Variants in ZFHX3 observed in about 807,000 individuals in gnomAD.
ZFHX3 encodes zinc finger homeobox protein 3.
Under a neutral mutation model 279.1 loss-of-function variants are expected in ZFHX3, and 42 were observed. The ratio of observed to expected loss-of-function variants is 0.15; its 90% confidence interval spans 0.12 to 0.19. ZFHX3 has a LOEUF of 0.19. ZFHX3 is among the 10% of genes least tolerant of loss of function. ZFHX3 has a pLI of 1.00. For missense variants in ZFHX3, 4,981 were observed against 4,754.0 expected, an observed-to-expected ratio of 1.05 and a Z score of -1.40; for synonymous variants, 2,293 against 1,957.8, an observed-to-expected ratio of 1.17 and a Z score of -4.52.
At chr16:73,675,818 G>T (rs1164097340) in intron 2 of ZFHX3, among the ~76,000 whole-genome samples, 2 of 151,404 alleles carry the variant, frequency 1.3e-5, no homozygotes, top group South Asian at 2.1e-4. Flanking sequence ...ACACATACAC[G>T]CACGCACATA....
chr16:73,304,863 G>A (rs1567445191), intron 4 of ZFHX3, among the ~76,000 whole-genome samples: 2 of 152,104 alleles, frequency 1.3e-5, no homozygotes, highest in Non-Finnish European at 2.9e-5. Flanking sequence ...CTTTGAGGTA[G>A]CACTTCTATG....
intron 8 of ZFHX3, among the ~76,000 whole-genome samples, chr16:73,064,849 C>A (rs1307704682): frequency 6.6e-6 from 1 of 152,238 alleles, no homozygotes; most frequent in Non-Finnish European, 1.5e-5. Context: ...GCCGGTGGCT[C>A]TCCCGGGTTC....
chr16:73,466,537 T>A (rs924110110), intron 2 of ZFHX3, among the ~76,000 whole-genome samples: 9 of 152,170 alleles, frequency 5.9e-5, no homozygotes, highest in African/African-American at 2.2e-4. Context: ...TTTTATTACC[T>A]AGGCAAGCTT....
At chr16:73,147,589 G>C (rs946599708) in intron 5 of ZFHX3, among the ~76,000 whole-genome samples, 5 of 150,114 alleles carry the variant, frequency 3.3e-5, no homozygotes, top group African/African-American at 7.3e-5. Context: ...CTACTCGGGA[G>C]GCTGAGGCAG....
At chr16:72,868,572 T>C (rs1025561056) in intron 4 of ZFHX3, among the ~76,000 whole-genome samples, 1 of 152,236 alleles carries the variant, frequency 6.6e-6, no homozygotes, top group Non-Finnish European at 1.5e-5. Context: ...CCGCACTCCC[T>C]AGAGGGGAAA....
In ZFHX3 at chr16:72,785,421, C is replaced by T. The variant is rs1432579884; in HGVS notation, c.*1743G>A. On this transcript the variant is annotated 3_prime_UTR_variant, in exon 10 of 10. Coordinates refer to ENST00000268489, the MANE Select transcript of ZFHX3 (RefSeq NM_006885.4). ...CAAAACTTTGAAGTAAAAAATGTGT[C>T]TTTTGGTATATGGAATTGTCATTAA... 6.6e-6 allele frequency: 1 copy of T among 152,618 alleles called. No individual in the cohort carries two copies. The highest frequency in any genetic ancestry group is 2.4e-5 in the African/African-American group (1 of 41,446). 9.5% of individuals were successfully genotyped at this position (152,618 alleles called of 1,614,324 possible).
At chr16:73,780,447 CTTTTTTT>C (rs879667609) in intron 1 of ZFHX3, among the ~76,000 whole-genome samples, 1 of 142,270 alleles carries the variant, frequency 7.0e-6, no homozygotes, top group Non-Finnish European at 1.5e-5. Context: ...CGTGCCTGAA[CTTTTTTT>C]TTTTTTAAGA....
intron 2 of ZFHX3, among the ~76,000 whole-genome samples, chr16:73,558,025 C>G (rs890860558): frequency 6.6e-6 from 1 of 152,110 alleles, no homozygotes; most frequent in Non-Finnish European, 1.5e-5. Context: ...ACAGGGGTCC[C>G]GAATGGGCCT....
intron 2 of ZFHX3, among the ~76,000 whole-genome samples, chr16:73,649,445 CAG>C (rs1567542309): frequency 6.6e-6 from 1 of 152,142 alleles, no homozygotes; most frequent in African/African-American, 2.4e-5. Context: ...AATGTAAATA[CAG>C]AGTGTGTATA....
At chr16:73,393,656 T>C (rs2017065508) in intron 3 of ZFHX3, among the ~76,000 whole-genome samples, 1 of 152,126 alleles carries the variant, frequency 6.6e-6, no homozygotes, top group Non-Finnish European at 1.5e-5. Flanking sequence ...CTGATCACAT[T>C]GAATAAACTA....
intron 1 of ZFHX3, among the ~76,000 whole-genome samples, chr16:73,014,789 G>A (rs1297122772): frequency 6.6e-6 from 1 of 151,936 alleles, no homozygotes; most frequent in African/African-American, 2.4e-5. Context: ...TGGGATTACA[G>A]GCATGAGCCA....
At chr16:73,530,733 A>G (rs1462968933) in intron 2 of ZFHX3, among the ~76,000 whole-genome samples, 3 of 152,218 alleles carry the variant, frequency 2.0e-5, no homozygotes, top group South Asian at 2.1e-4. Flanking sequence ...TTTGCTGTCC[A>G]TGCACTTTTC....
intron 2 of ZFHX3, among the ~76,000 whole-genome samples, chr16:73,576,163 A>G (rs986107229): frequency 3.3e-5 from 5 of 152,212 alleles, no homozygotes; most frequent in Admixed American, 2.0e-4. Context: ...AACCTTTGTT[A>G]AAAAACAATC....
Position 72,797,458 on chromosome 16 carries a change from C to T in ZFHX3, c.5224G>A (p.Ala1742Thr). 6.2e-7 allele frequency: 1 copy of T among 1,605,948 alleles called. No homozygotes were observed. The change falls in exon 9 of 10, where the codon GCA (alanine) becomes ACA (threonine). Residue 1742 changes from alanine to threonine, a missense_variant. By Grantham distance (58) the Ala-to-Thr change is moderately conservative. This residue lies in a region of ZFHX3 where 1,751 missense variants were observed against 1,770.0 expected (regional missense o/e 0.99). Coordinates refer to ENST00000268489, the MANE Select transcript of ZFHX3 (RefSeq NM_006885.4). Reference sequence around the variant, plus strand: ...GCCTGGGCCTGGGCCAGCGTTTGTGCTTGTTGTTGTTGTTGTTGTTGTTGT... The same window carrying T: ...GCCTGGGCCTGGGCCAGCGTTTGTGTTTGTTGTTGTTGTTGTTGTTGTTGT... ...QQQQQQQQQQ[A>T]QTLAQAQAQV...
chr16:73,571,179 G>T (rs2051730589), intron 2 of ZFHX3, among the ~76,000 whole-genome samples: 1 of 151,872 alleles, frequency 6.6e-6, no homozygotes, highest in African/African-American at 2.4e-5. Flanking sequence ...CTTTTCAGGG[G>T]AACAATTAAG....
chr16:73,337,896 G>GGC lies in ZFHX3; in HGVS notation c.-1290-19561_-1290-19560insGC, dbSNP rs1555510900. 1.4e-5 allele frequency among the ~76,000 whole-genome samples: 2 copies of GGC among 145,316 alleles called. 1 individual carries two copies. The highest frequency in any genetic ancestry group is 3.1e-5 in the Non-Finnish European group (2 of 65,174). On this transcript the variant is annotated intron_variant, in intron 3 of 17. Transcript: ENST00000641206. ...TAAGTCTTCATCTTCCCTTGGCGGGGGGGGGGGTCCTCATCCCCTTTTTAT... is the reference window on the plus strand; with the variant it reads ...TAAGTCTTCATCTTCCCTTGGCGGGGGCGGGGGGGTCCTCATCCCCTTTTTAT...
chr16:73,605,661 G>C (rs1307346779), intron 2 of ZFHX3, among the ~76,000 whole-genome samples: 1 of 151,718 alleles, frequency 6.6e-6, no homozygotes, highest in East Asian at 1.9e-4. Flanking sequence ...GTCTGGGGTA[G>C]GCTATGGGGG....
intron 1 of ZFHX3, among the ~76,000 whole-genome samples, chr16:73,730,478 TG>T (rs1260597513): frequency 6.6e-6 from 1 of 151,872 alleles, no homozygotes; most frequent in Non-Finnish European, 1.5e-5. Flanking sequence ...TCCAGTGCAT[TG>T]TACATAAGGA....
At chr16:73,393,883 C>T (rs1424812051) in intron 3 of ZFHX3, among the ~76,000 whole-genome samples, 1 of 147,480 alleles carries the variant, frequency 6.8e-6, no homozygotes, top group Non-Finnish European at 1.5e-5. Context: ...ATATATATAT[C>T]TCATGTATAT....
Sources: allele counts gnomAD v4.1 joint callset (sites outside exome capture counted in the v4.1 genomes callset), GRCh38; gene constraint gnomAD v4.1.1; regional missense constraint gnomAD v4.1.1; transcripts MANE v1.5; gene names NCBI Gene and HGNC (gene_info 2026-07-23, HGNC 2026-07-21).